The following SLC35F4 variants were observed in gnomAD, a reference collection of about 807,000 sequenced individuals.
SLC35F4 encodes chromosome 14 open reading frame 36.
A neutral mutation model predicts 44.2 loss-of-function variants in SLC35F4; 24 were observed. That is an observed-to-expected ratio of 0.54 (90% CI 0.39 to 0.76). The LOEUF (loss-of-function observed/expected upper bound fraction) is 0.76, where lower values mean the gene tolerates loss of function less well. Among genes scored for constraint, SLC35F4 ranks in the 30% least tolerant of loss-of-function variants. SLC35F4 has a pLI of 0.00. For missense variants in SLC35F4, 562 were observed against 586.1 expected, an observed-to-expected ratio of 0.96 and a Z score of 0.42; for synonymous variants, 238 against 223.6, an observed-to-expected ratio of 1.06 and a Z score of -0.57.
chr14:57,885,486 G>A (rs1170430813), intron 1 of SLC35F4, among the ~76,000 whole-genome samples: 1 of 152,156 alleles, frequency 6.6e-6, no homozygotes, highest in Non-Finnish European at 1.5e-5. Flanking sequence ...TTTCTCAGTT[G>A]TTTAAATAAA....
intron 1 of SLC35F4, among the ~76,000 whole-genome samples, chr14:57,609,155 T>C (rs977657369): frequency 1.3e-5 from 2 of 152,176 alleles, no homozygotes; most frequent in African/African-American, 4.8e-5. Context: ...GATGGATGCA[T>C]GGATGGATCG....
At chr14:57,874,296 C>CTTAA (rs1304000140) in intron 1 of SLC35F4, among the ~76,000 whole-genome samples, 5 of 152,182 alleles carry the variant, frequency 3.3e-5, no homozygotes, top group Non-Finnish European at 7.3e-5. Flanking sequence ...ACAGTGCATA[C>CTTAA]TTAAGTTCCT....
chr14:57,721,077 C>T (rs541498404), intron 1 of SLC35F4, among the ~76,000 whole-genome samples: 35 of 140,524 alleles, frequency 2.5e-4, no homozygotes, highest in Non-Finnish European at 4.4e-4. Flanking sequence ...ATCTAGAGAA[C>T]CATGAGTAAT....
intron 1 of SLC35F4, among the ~76,000 whole-genome samples, chr14:57,693,462 C>G (rs1206560090): frequency 6.6e-6 from 1 of 152,204 alleles, no homozygotes; most frequent in Non-Finnish European, 1.5e-5. Context: ...TGCTTAAAGG[C>G]ATTCCTGAAC....
At chr14:57,669,382 T>A (rs1283192448) in intron 1 of SLC35F4, among the ~76,000 whole-genome samples, 2 of 152,054 alleles carry the variant, frequency 1.3e-5, no homozygotes, top group Admixed American at 6.6e-5. Flanking sequence ...ATAGGAGTGG[T>A]GAGAGAGGGC....
At chr14:57,736,183 TGA>T (rs1427263340) in intron 1 of SLC35F4, among the ~76,000 whole-genome samples, 1 of 152,210 alleles carries the variant, frequency 6.6e-6, no homozygotes, top group African/African-American at 2.4e-5. Context: ...AAAGCCCACA[TGA>T]AGCACAATGC....
At chr14:57,812,402 T>C (rs1882076761) in intron 1 of SLC35F4, among the ~76,000 whole-genome samples, 1 of 152,138 alleles carries the variant, frequency 6.6e-6, no homozygotes, top group Non-Finnish European at 1.5e-5. Context: ...CCACCAGCAC[T>C]GTTCTTCTGG....
chr14:57,756,697 C>T (rs1254482455), intron 1 of SLC35F4, among the ~76,000 whole-genome samples: 1 of 152,094 alleles, frequency 6.6e-6, no homozygotes, highest in African/African-American at 2.4e-5. Flanking sequence ...CTCTGTTGCC[C>T]AGGCTGGAGT....
At chr14:57,590,831 A>T (rs1742371296) in intron 2 of SLC35F4, among the ~76,000 whole-genome samples, 1 of 152,208 alleles carries the variant, frequency 6.6e-6, no homozygotes, top group Admixed American at 6.5e-5. Context: ...GGGGCTGCTC[A>T]CTTTGTGTCT....
At chr14:57,619,788 A>G (rs192072620) in intron 1 of SLC35F4, among the ~76,000 whole-genome samples, 26 of 152,254 alleles carry the variant, frequency 1.7e-4, no homozygotes, top group African/African-American at 5.5e-4. Flanking sequence ...GAAGCTAAGA[A>G]CCCTGAAAAA....
At chr14:57,945,057 C>T (rs1274669901) in intron 1 of SLC35F4, among the ~76,000 whole-genome samples, 3 of 151,928 alleles carry the variant, frequency 2.0e-5, no homozygotes, top group African/African-American at 4.9e-5. Context: ...CTTTAAAAAC[C>T]TTGGTCTTCC....
intron 1 of SLC35F4, among the ~76,000 whole-genome samples, chr14:57,879,284 T>C (rs1285844622): frequency 6.6e-6 from 1 of 152,128 alleles, no homozygotes; most frequent in Non-Finnish European, 1.5e-5. Flanking sequence ...ACATAGGTTC[T>C]ATCCTGCCTT....
chr14:57,770,401 A>C (rs1223307704), intron 1 of SLC35F4, among the ~76,000 whole-genome samples: 1 of 152,182 alleles, frequency 6.6e-6, no homozygotes, highest in African/African-American at 2.4e-5. Context: ...TGTTGGGCAT[A>C]GTTTGTTTTG....
chr14:57,949,574 T>A (rs1890097924), intron 1 of SLC35F4, among the ~76,000 whole-genome samples: 1 of 152,208 alleles, frequency 6.6e-6, no homozygotes. Flanking sequence ...ATGCTAGTTG[T>A]TGCCTAAATA....
chr14:57,675,768 T>C (rs2074673376), intron 1 of SLC35F4, among the ~76,000 whole-genome samples: 1 of 152,120 alleles, frequency 6.6e-6, no homozygotes, highest in South Asian at 2.1e-4. Context: ...CCTATTGAGA[T>C]GATCATATGG....
chr14:57,854,320 T>TA (rs1886872466), intron 1 of SLC35F4, among the ~76,000 whole-genome samples: 14 of 152,082 alleles, frequency 9.2e-5, no homozygotes, highest in African/African-American at 2.9e-4. Context: ...TTTATAATTT[T>TA]TAAAAAAAAA....
chr14:57,841,326 G>T (rs144701227), intron 1 of SLC35F4, among the ~76,000 whole-genome samples: 4 of 152,070 alleles, frequency 2.6e-5, no homozygotes, highest in African/African-American at 9.7e-5. Flanking sequence ...TGGATTCATC[G>T]GCAGGTCTCT....
downstream of SLC35F4, among the ~76,000 whole-genome samples, chr14:57,971,869 G>A (rs1050070539): frequency 9.9e-5 from 15 of 152,154 alleles, no homozygotes; most frequent in African/African-American, 3.6e-4. Context: ...AATGTGCCAA[G>A]ATAAACAAGT....
At chr14:57,942,584 T>G (rs780754112) in intron 1 of SLC35F4, among the ~76,000 whole-genome samples, 1 of 152,218 alleles carries the variant, frequency 6.6e-6, no homozygotes, top group Non-Finnish European at 1.5e-5. Flanking sequence ...TGACGTAGCA[T>G]TTTCGGAATT....
Sources: gnomAD v4.1 joint callset for allele counts (sites outside exome capture counted in the v4.1 genomes callset) on GRCh38, gnomAD v4.1.1 for gene constraint, MANE v1.5 for transcripts, NCBI Gene and HGNC (gene_info 2026-07-23, HGNC 2026-07-21) for gene names.